The following CNPY3 variants were observed in gnomAD, a reference collection of about 807,000 sequenced individuals.
The protein encoded by CNPY3 is canopy FGF signaling regulator 3.
In CNPY3, 20 loss-of-function variants were observed where a neutral mutation model predicts 32.0. That is an observed-to-expected ratio of 0.63 (90% CI 0.44 to 0.91). The LOEUF is 0.91. Among genes scored for constraint, CNPY3 ranks in the 40% least tolerant of loss-of-function variants. The probability of loss-of-function intolerance (pLI) is 0.00; values close to 1 mark genes in which losing one functional copy is unlikely to be tolerated. For missense variants in CNPY3, 299 were observed against 340.8 expected, an observed-to-expected ratio of 0.88 and a Z score of 0.97; for synonymous variants, 138 against 142.9, an observed-to-expected ratio of 0.97 and a Z score of 0.24.
intron 1 of CNPY3, among the ~76,000 whole-genome samples, chr6:42,931,227 CT>C (rs58670140): frequency 0.58 from 74,699 of 128,696 alleles, 22,252 homozygotes; most frequent in African/African-American, 0.84. Context: ...GTCCTGATAG[CT>C]TTTTTTTTTT....
chr6:42,936,028 T>G (rs1053539), intron 3 of CNPY3, among the ~76,000 whole-genome samples: 77,598 of 145,284 alleles, frequency 0.53, 20,191 homozygotes, highest in African/African-American at 0.63. Context: ...GACACCTCGG[T>G]GGGAGTGACT....
chr6:42,928,056 C>T (rs1387676388), upstream of CNPY3, among the ~76,000 whole-genome samples: 1 of 122,318 alleles, frequency 8.2e-6, no homozygotes, highest in African/African-American at 3.9e-5. Flanking sequence ...GGCGTGATCT[C>T]GGCTCACTGC....
chr6:42,935,285 G>A, intron 2 of CNPY3: 1 of 320,136 alleles, frequency 3.1e-6, no homozygotes, highest in Non-Finnish European at 4.5e-6. Flanking sequence ...CAAAGAGAAT[G>A]ATATTTTACT....
In CNPY3 at chr6:42,938,563, C is replaced by G. The variant is rs761175533; in HGVS notation, c.614-5C>G. 9.5e-5 allele frequency: 149 copies of G among 1,573,540 alleles called. No individual in the cohort carries two copies. Among genetic ancestry groups the G allele is most frequent in the Non-Finnish European group, 1.0e-4 (121 of 1,158,676 alleles). On this transcript the variant is annotated splice_polypyrimidine_tract_variant and splice_region_variant and intron_variant, in intron 5 of 5. Transcript: ENST00000372836. ...TGTTGAGGGTCTCTCTCCTCCACAC[C>G]CTAGGTTGCCTGGCAGAGCAGTGGT...
In CNPY3 at chr6:42,938,880, G is replaced by A; in HGVS notation, c.*89G>A. On this transcript the variant is annotated 3_prime_UTR_variant, in exon 6 of 6. Transcript: ENST00000372836. The stretch of plus-strand genomic sequence containing the variant: ...TCTGGCAGGCCGGGATGGCCCCGCA[G>A]CCTTCAGCCCCTCCTTGCCTTGGCT... 1 of 1,457,240 alleles carries A rather than the reference G, an allele frequency of 6.9e-7. No homozygotes were observed. The highest frequency in any genetic ancestry group is 1.5e-5 in the South Asian group (1 of 68,514). 90.3% of individuals were successfully genotyped at this position (1,457,240 alleles called of 1,614,324 possible).
At chr6:42,933,065 A>G (rs553913476) in intron 1 of CNPY3, among the ~76,000 whole-genome samples, 1 of 152,318 alleles carries the variant, frequency 6.6e-6, no homozygotes, top group African/African-American at 2.4e-5. Context: ...GTGGAGAGAC[A>G]CATCAAATGA....
Position 42,934,609 on chromosome 6 carries a change from G to C in CNPY3, c.275+11G>C. 6.2e-7 allele frequency: 1 copy of C among 1,613,534 alleles called. No homozygotes were observed. The highest frequency in any genetic ancestry group is 8.5e-7 in the Non-Finnish European group (1 of 1,179,870). On this transcript the variant is annotated intron_variant, in intron 2 of 5. Transcript: ENST00000372836. ...CAAATACACCAAGTCGTAAGTGAATGGGGACTCACTGGCCTGGCCTGCGTT... is the reference window on the plus strand; with the variant it reads ...CAAATACACCAAGTCGTAAGTGAATCGGGACTCACTGGCCTGGCCTGCGTT...
intron 1 of CNPY3, among the ~76,000 whole-genome samples, chr6:42,930,244 C>G (rs947007696): frequency 6.6e-6 from 1 of 152,152 alleles, no homozygotes; most frequent in African/African-American, 2.4e-5. Flanking sequence ...TAAGACTTTC[C>G]CCTTTTGCCC....
chr6:42,928,504 C>T (rs1767526522), upstream of CNPY3, among the ~76,000 whole-genome samples: 1 of 150,868 alleles, frequency 6.6e-6, no homozygotes, highest in East Asian at 2.0e-4. Context: ...GGCTGGTCTC[C>T]AACTCCTGGG....
At chr6:42,934,338 A>T (rs1165035210) in intron 1 of CNPY3, 137 bp from the exon 2 acceptor site, 4 of 1,024,364 alleles carry the variant, frequency 3.9e-6, no homozygotes, top group Non-Finnish European at 4.4e-6. Context: ...CACAGGTTCT[A>T]ACTCCTTCCC....
chr6:42,932,980 A>G (rs999952223), intron 1 of CNPY3, among the ~76,000 whole-genome samples: 4 of 152,200 alleles, frequency 2.6e-5, no homozygotes, highest in African/African-American at 9.6e-5. Context: ...CGTCCAGCAT[A>G]TATCAAGTCC....
chr6:42,929,679 G>C lies in CNPY3; in HGVS notation c.109G>C (p.Ala37Pro). The change falls in exon 1 of 6, where the codon GCT becomes CCT. Residue 37 changes from alanine (A) to proline (P), a missense_variant. Ala to Pro is a conservative substitution (Grantham distance 27). Transcript: ENST00000372836. ...APELGPSQAG[A>P]EENDWVRLPS... ...GGAGCTGGGCCCGAGCCAGGCCGGA[G>C]CTGAGGAGAACGACTGGGTTCGCCT... 6.4e-7 allele frequency: 1 copy of C among 1,552,072 alleles called. No individual in the cohort carries two copies. The highest frequency in any genetic ancestry group is 8.7e-7 in the Non-Finnish European group (1 of 1,147,688).
At position 42,938,778 on chromosome 6, in the gene CNPY3, C is replaced by T. The variant is rs549629737; in HGVS notation, c.824C>T (p.Pro275Leu). 4.7e-5 allele frequency: 75 copies of T among 1,608,150 alleles called. 1 individual carries two copies. In the East Asian group the frequency reaches 1.6e-3, roughly 34 times the overall value. The change falls in exon 6 of 6, where the codon CCT becomes CTT. Residue 275 changes from proline to leucine, a missense_variant. Coordinates refer to ENST00000372836, the MANE Select transcript of CNPY3 (RefSeq NM_006586.5). Reference protein sequence around the residue: ...QKASPLTHSPPDEL With the variant: ...QKASPLTHSPLDEL ...GCATCCCCTCTCACACACAGCCCCCCTGATGAGCTCTGAGCCCACCCAGCA... is the reference window on the plus strand; with the variant it reads ...GCATCCCCTCTCACACACAGCCCCCTTGATGAGCTCTGAGCCCACCCAGCA...
chr6:42,935,422 C>A, intron 2 of CNPY3, 152 bp from the exon 3 acceptor site: 1 of 1,288,160 alleles, frequency 7.8e-7, no homozygotes, highest in Non-Finnish European at 9.9e-7. Flanking sequence ...CATTTCAGAT[C>A]CCCCAGACCA....
rs1251585882 is a variant in CNPY3, at chr6:42,938,961, T to C, written c.*170T>C. The C allele has an allele frequency of 1.2e-5, 17 of 1,404,028 alleles. No individual in the cohort carries two copies. Among genetic ancestry groups the C allele is most frequent in the Non-Finnish European group, 1.6e-5 (17 of 1,076,246 alleles). The allele number at this position is 1,404,028 out of a possible 1,614,324, so 87.0% of individuals were successfully genotyped here. A position where few individuals can be genotyped will look rare whatever the true frequency, so the allele number is the denominator to read the frequency against. On this transcript the variant is annotated 3_prime_UTR_variant, in exon 6 of 6. Coordinates refer to ENST00000372836, the MANE Select transcript of CNPY3 (RefSeq NM_006586.5). The stretch of plus-strand genomic sequence containing the variant: ...CCCCAGGAAGAACTCAGAGCCGTCA[T>C]GGGTAGCCCACGCCGTCCTTTCCCC...
At chr6:42,935,064 C>A (rs1226739601) in intron 2 of CNPY3, among the ~76,000 whole-genome samples, 1 of 152,124 alleles carries the variant, frequency 6.6e-6, no homozygotes, top group Admixed American at 6.5e-5. Context: ...GATGGAGTTT[C>A]ACCATGTTGG....
rs199645339 is a variant in CNPY3, at chr6:42,934,471, C to A, written c.152-4C>A. On this transcript the variant is annotated splice_polypyrimidine_tract_variant and splice_region_variant and intron_variant, in intron 1 of 5. Transcript: ENST00000372836. Reference sequence around the variant, plus strand: ...CAGTGGGCTGTGCTACCTCCCTCCCCCAGTGTGTAAATATGTTGCTGTGGA... The same window carrying A: ...CAGTGGGCTGTGCTACCTCCCTCCCACAGTGTGTAAATATGTTGCTGTGGA... The A allele has an allele frequency of 9.3e-6, 15 of 1,613,910 alleles. No individual in the cohort carries two copies. In the East Asian group the frequency reaches 3.3e-4, roughly 36 times the overall value.
rs1207636231 is a variant in CNPY3, at chr6:42,937,791, T to C, written c.447T>C (p.Tyr149=). The C allele has an allele frequency of 6.2e-7, 1 of 1,607,486 alleles. No homozygotes were observed. Among genetic ancestry groups the C allele is most frequent in the Non-Finnish European group, 8.5e-7 (1 of 1,174,264 alleles). Residue 149 remains tyrosine (Y), a synonymous_variant, in exon 4 of 6, where the codon TAT becomes TAC. Coordinates refer to ENST00000372836, the MANE Select transcript of CNPY3 (RefSeq NM_006586.5). ...KGVKVVMDIP[Y]ELWNETSAEV... is the part of the protein sequence containing the mutation. ...TCAAGGTGGTGATGGACATCCCCTA[T>C]GAGCTGTGGAACGAGACTTCTGCAG...
intron 2 of CNPY3, 29 bp from the exon 3 acceptor site, chr6:42,935,545 C>T (rs2114172502): frequency 6.3e-7 from 1 of 1,596,984 alleles, no homozygotes; most frequent in Non-Finnish European, 8.6e-7. Flanking sequence ...AGGAGGGGAA[C>T]TCAGTTCCTC....
Sources: gnomAD v4.1 joint callset for allele counts (sites outside exome capture counted in the v4.1 genomes callset) on GRCh38, gnomAD v4.1.1 for gene constraint, MANE v1.5 for transcripts, NCBI Gene and HGNC (gene_info 2026-07-23, HGNC 2026-07-21) for gene names.